PCDHA13: variants seen among roughly 807,000 people sequenced by gnomAD.
PCDHA13 encodes the protein protocadherin alpha-13.
In PCDHA13, 54 loss-of-function variants were observed where a neutral mutation model predicts 64.8. The observed-to-expected ratio is 0.83, with a 90% confidence interval of 0.67 to 1.04. The LOEUF (loss-of-function observed/expected upper bound fraction) is 1.04. Ranked by LOEUF, PCDHA13 falls within the 50% of genes least tolerant of loss-of-function variation. The probability of loss-of-function intolerance (pLI) is 0.00; values close to 1 mark genes in which losing one functional copy is unlikely to be tolerated. For missense variants in PCDHA13, 1,248 were observed against 1,254.3 expected (o/e 0.99, Z 0.08); for synonymous variants, 587 against 564.4 (o/e 1.04, Z -0.57).
intron 1 of PCDHA13, among the ~76,000 whole-genome samples, chr5:140,902,203 C>CTTT (rs148688132): frequency 4.8e-5 from 6 of 124,458 alleles, no homozygotes; most frequent in Non-Finnish European, 8.4e-5. Flanking sequence ...CTCTCTCTTT[C>CTTT]TTTTTTTTTT....
At chr5:140,929,317 A>G in intron 1 of PCDHA13, 1 of 1,549,080 alleles carries the variant, frequency 6.5e-7, no homozygotes, top group South Asian at 1.2e-5. Flanking sequence ...CGCTAATGTC[A>G]ATGCCATGGT....
At chr5:140,941,167 A>G (rs1352007891) in intron 1 of PCDHA13, among the ~76,000 whole-genome samples, 2 of 144,982 alleles carry the variant, frequency 1.4e-5, no homozygotes, top group Non-Finnish European at 3.1e-5. Flanking sequence ...AAGACTCCCC[A>G]TCTTGAACAT....
At chr5:140,971,977 G>A (rs891260348) in intron 1 of PCDHA13, among the ~76,000 whole-genome samples, 1 of 152,022 alleles carries the variant, frequency 6.6e-6, no homozygotes, top group Non-Finnish European at 1.5e-5. Context: ...AATACTATGA[G>A]TAGACAGAAG....
chr5:140,995,800 A>G (rs180764210), intron 3 of PCDHA13, among the ~76,000 whole-genome samples: 3 of 152,282 alleles, frequency 2.0e-5, no homozygotes, highest in Non-Finnish European at 2.9e-5. Context: ...GTCTCATGTT[A>G]GTTTCTGAAG....
At chr5:140,988,579 C>T (rs1292742279) in intron 3 of PCDHA13, among the ~76,000 whole-genome samples, 2 of 152,266 alleles carry the variant, frequency 1.3e-5, no homozygotes, top group East Asian at 3.9e-4. Context: ...CACTCTGTAC[C>T]TTCCACTTTT....
intron 1 of PCDHA13, among the ~76,000 whole-genome samples, chr5:140,920,262 T>A (rs1199241403): frequency 2.0e-5 from 3 of 152,216 alleles, no homozygotes; most frequent in African/African-American, 7.2e-5. Flanking sequence ...ATAATAATTA[T>A]TACTTTATGT....
At chr5:140,966,654 T>G (rs1048894569) in intron 1 of PCDHA13, 2 of 1,185,100 alleles carry the variant, frequency 1.7e-6, no homozygotes, top group Non-Finnish European at 2.2e-6. Flanking sequence ...GCGTGAGCGG[T>G]GGGGGAGCAG....
intron 3 of PCDHA13, among the ~76,000 whole-genome samples, chr5:140,990,327 A>G (rs2097387817): frequency 1.3e-5 from 2 of 152,174 alleles, no homozygotes; most frequent in African/African-American, 4.8e-5. Flanking sequence ...AACAAACTTT[A>G]AAAATAAGTA....
chr5:140,928,876 C>T (rs1554206456), intron 1 of PCDHA13: 1 of 1,614,194 alleles, frequency 6.2e-7, no homozygotes, highest in Non-Finnish European at 8.5e-7. Context: ...CTCTGTCCCT[C>T]AGTTACTTCC....
At chr5:140,941,603 T>C (rs116946105) in intron 1 of PCDHA13, among the ~76,000 whole-genome samples, 1 of 152,024 alleles carries the variant, frequency 6.6e-6, no homozygotes, top group East Asian at 1.9e-4. Flanking sequence ...CCATGAGCCA[T>C]GGTGCCCAGC....
intron 3 of PCDHA13, among the ~76,000 whole-genome samples, chr5:141,005,923 G>A (rs1424300772): frequency 6.6e-6 from 1 of 151,914 alleles, no homozygotes; most frequent in East Asian, 1.9e-4. Context: ...CTTCAGCCTG[G>A]TTGACAGAGT....
At chr5:140,914,596 C>A (rs1454753124) in intron 1 of PCDHA13, among the ~76,000 whole-genome samples, 1 of 152,128 alleles carries the variant, frequency 6.6e-6, no homozygotes, top group Non-Finnish European at 1.5e-5. Flanking sequence ...TAAGTAGGAA[C>A]TTCCTCCTGC....
chr5:140,967,487 G>C, intron 1 of PCDHA13: 8 of 1,613,290 alleles, frequency 5.0e-6, no homozygotes, highest in Non-Finnish European at 6.8e-6. Context: ...CTCGGGTACG[G>C]CACAGATCTC....
intron 3 of PCDHA13, among the ~76,000 whole-genome samples, chr5:140,997,698 ATGTT>A (rs1297045627): frequency 1.4e-5 from 2 of 145,558 alleles, no homozygotes; most frequent in African/African-American, 5.1e-5. Flanking sequence ...GTGTGTGTGT[ATGTT>A]AACAAACACC....
intron 1 of PCDHA13, among the ~76,000 whole-genome samples, chr5:140,902,728 C>T (rs1280424808): frequency 6.6e-6 from 1 of 151,858 alleles, no homozygotes; most frequent in Non-Finnish European, 1.5e-5. Flanking sequence ...ACCCTTCCCT[C>T]CAAGTCCCCC....
chr5:140,929,024 C>T, intron 1 of PCDHA13: 1 of 1,614,172 alleles, frequency 6.2e-7, no homozygotes, highest in Non-Finnish European at 8.5e-7. Context: ...CACCAGAGCC[C>T]AGGCTGTTGC....
intron 1 of PCDHA13, among the ~76,000 whole-genome samples, chr5:140,957,575 T>C (rs1437290620): frequency 6.6e-6 from 1 of 152,152 alleles, no homozygotes; most frequent in African/African-American, 2.4e-5. Flanking sequence ...ACTACTGTAC[T>C]TTTAACAAAG....
Position 140,917,329 on chromosome 5 carries a change from G to GT in PCDHA13, c.2394+32667_2394+32668insT, listed in dbSNP as rs1563018868. On this transcript the variant is annotated intron_variant, in intron 1 of 3. Coordinates refer to ENST00000289272, the MANE Select transcript of PCDHA13 (RefSeq NM_018904.3). ...ACAATTTGGTGTTCATGTGGCGGGG[G>GT]AGGGGGGGGATGGTGTAGGCTTCTG... is the stretch of plus-strand genomic sequence containing the variant. 5.6e-5 allele frequency among the ~76,000 whole-genome samples: 8 copies of GT among 143,930 alleles called. 1 individual carries two copies. The highest frequency in any genetic ancestry group is 9.1e-5 in the Non-Finnish European group (6 of 65,842). The allele number at this position is 143,930 out of a possible 152,430, so 94.4% of individuals were successfully genotyped here.
chr5:140,884,684 T>C (rs2060315542), intron 1 of PCDHA13, 22 bp downstream of exon 1: 1 of 1,543,214 alleles, frequency 6.5e-7, no homozygotes. Flanking sequence ...TTTTAAAAAA[T>C]TGTCTTAGTA....
Sources: gnomAD v4.1 joint callset for allele counts (sites outside exome capture counted in the v4.1 genomes callset) on GRCh38, gnomAD v4.1.1 for gene constraint, MANE v1.5 for transcripts, NCBI Gene and HGNC (gene_info 2026-07-23, HGNC 2026-07-21) for gene names.